MED24: variants seen among roughly 807,000 people sequenced by gnomAD.
MED24 encodes mediator complex subunit 24.
A neutral mutation model predicts 118.8 loss-of-function variants in MED24; 74 were observed. The ratio of observed to expected loss-of-function variants is 0.62; its 90% CI spans 0.52 to 0.76. The LOEUF (loss-of-function observed/expected upper bound fraction) is 0.76. Ranked by LOEUF, MED24 falls within the 30% of genes least tolerant of loss-of-function variation. The pLI is 0.00. For missense variants in MED24, 1,041 were observed against 1,278.9 expected (o/e 0.81, Z 2.84); for synonymous variants, 521 against 523.9 (o/e 0.99, Z 0.08).
At chr17:40,050,682 C>A (rs939550034) in intron 3 of MED24, among the ~76,000 whole-genome samples, 4 of 152,052 alleles carry the variant, frequency 2.6e-5, no homozygotes, top group African/African-American at 9.7e-5. Context: ...AACGTGTGCA[C>A]ATATAGAGTG....
Position 40,035,110 on chromosome 17 carries a change from G to C in MED24, c.559+7C>G. The C allele has an allele frequency of 6.2e-7, 1 of 1,613,922 alleles. No homozygotes were observed. The highest frequency in any genetic ancestry group is 8.5e-7 in the Non-Finnish European group (1 of 1,179,820). On this transcript the variant is annotated splice_region_variant and intron_variant, in intron 6 of 25. Transcript: ENST00000394128. ...CAGGTGGGGCTCAGGGGAATCAAGG[G>C]ACATACAGGCCTCCTCTAGTTTGGC...
At chr17:40,034,071 C>T (rs1983679977) in intron 6 of MED24, among the ~76,000 whole-genome samples, 1 of 152,140 alleles carries the variant, frequency 6.6e-6, no homozygotes, top group Non-Finnish European at 1.5e-5. Flanking sequence ...ATGGTCTAAG[C>T]CATATTGGTT....
At chr17:40,022,308 G>A in intron 22 of MED24, 86 bp downstream of exon 22, 1 of 1,388,092 alleles carries the variant, frequency 7.2e-7, no homozygotes. Context: ...GGCCACAACT[G>A]CTTCCCTTTG....
At position 40,027,815 on chromosome 17, in the gene MED24, C is replaced by G. The variant is rs565619588; in HGVS notation, c.1447+94G>C. 7.4e-6 allele frequency: 10 copies of G among 1,353,990 alleles called. No individual in the cohort carries two copies. In the East Asian group the frequency reaches 2.1e-4, roughly 28 times the overall value. The allele number at this position is 1,353,990 out of a possible 1,614,324, so 83.9% of individuals were successfully genotyped here. On this transcript the variant is annotated intron_variant, in intron 15 of 25. Transcript: ENST00000394128. ...TCTGAGGAGGGAGCACAGCCTCCCC[C>G]TGTTGAGCTGGGGAGCCCTCCTCCC...
At chr17:40,047,203 T>C (rs1159786193) in intron 3 of MED24, among the ~76,000 whole-genome samples, 3 of 152,174 alleles carry the variant, frequency 2.0e-5, no homozygotes, top group African/African-American at 4.8e-5. Context: ...AAAGACAGTA[T>C]ACGAACTATA....
In MED24 at chr17:40,028,816, C is replaced by T; in HGVS notation, c.1409+10G>A. The stretch of plus-strand genomic sequence containing the variant: ...GCACGCCCTGGGGTCAGGGGCTTGG[C>T]CTTCCTCACTTGATGAATTTCCGGG... On this transcript the variant is annotated intron_variant, in intron 14 of 25. Coordinates refer to ENST00000394128, the MANE Select transcript of MED24 (RefSeq NM_014815.4). 1 of 1,613,282 alleles carries T rather than the reference C, an allele frequency of 6.2e-7. No homozygotes were observed. The highest frequency in any genetic ancestry group is 1.3e-5 in the African/African-American group (1 of 75,044).
At chr17:40,022,930 G>T in intron 20 of MED24, 104 bp from the exon 21 acceptor site, 1 of 1,418,026 alleles carries the variant, frequency 7.1e-7, no homozygotes, top group Non-Finnish European at 9.5e-7. Flanking sequence ...CCGCAGAGGG[G>T]GCCCCAGATG....
intron 3 of MED24, among the ~76,000 whole-genome samples, chr17:40,046,907 T>G (rs913129955): frequency 1.4e-4 from 22 of 151,844 alleles, no homozygotes; most frequent in Non-Finnish European, 2.8e-4. Flanking sequence ...ATGTAAAAAT[T>G]ATCAGCCTGG....
Position 40,022,634 on chromosome 17 carries a change from G to C in MED24, c.2432+11C>G, listed in dbSNP as rs1253157736. 18 of 1,612,904 alleles carry C rather than the reference G, an allele frequency of 1.1e-5. No homozygotes were observed. Among genetic ancestry groups the C allele is most frequent in the Non-Finnish European group, 1.5e-5 (18 of 1,179,936 alleles). ...TGGCCGGAGCAGGGCAAGCTCTGAA[G>C]AGAATCTTACTTGGCAAGAGCAGTG... On this transcript the variant is annotated intron_variant, in intron 21 of 25. Transcript: ENST00000394128.
chr17:40,053,028 G>A (rs945387221), intron 3 of MED24, among the ~76,000 whole-genome samples: 1 of 152,242 alleles, frequency 6.6e-6, no homozygotes, highest in South Asian at 2.1e-4. Flanking sequence ...CGACCTCCCA[G>A]GGCTCAGGTG....
At position 40,035,205 on chromosome 17, in the gene MED24, C is replaced by G. The variant is rs1463655011; in HGVS notation, c.471G>C (p.Gln157His). The G allele has an allele frequency of 6.2e-7, 1 of 1,614,048 alleles. No individual in the cohort carries two copies. Among genetic ancestry groups the G allele is most frequent in the East Asian group, 2.2e-5 (1 of 44,882 alleles). ...EAGTPAAGEKQLAMCLQRLEK... is the reference protein window; with the variant it reads ...EAGTPAAGEKHLAMCLQRLEK... ...CCAGGCGCTGAAGGCACATGGCAAG[C>G]TGCTTCTCCCCAGCGGCTGGAGTGC... The change falls in exon 6 of 26, where the codon CAG (glutamine) becomes CAC (histidine). Residue 157 changes from glutamine to histidine, a missense_variant. Physicochemically the swap from Gln to His is conservative, Grantham distance 24 (BLOSUM62 0). This residue lies in a region of MED24 where 434 missense variants were observed against 514.9 expected (regional missense o/e 0.84). Coordinates refer to ENST00000394128, the MANE Select transcript of MED24 (RefSeq NM_014815.4).
chr17:40,036,000 G>A, intron 4 of MED24, 116 bp downstream of exon 4: 2 of 1,273,616 alleles, frequency 1.6e-6, no homozygotes, highest in South Asian at 2.5e-5. Context: ...AGCAATGCCA[G>A]CCAGAGGCAT....
Position 40,022,410 on chromosome 17 carries a change from T to C in MED24, c.2507A>G (p.His836Arg). The change falls in exon 22 of 26, where the codon CAC becomes CGC. Residue 836 changes from histidine to arginine, a missense_variant. By Grantham distance (29) the His-to-Arg change is conservative (BLOSUM62 0). Around this residue, in one of 3 missense-constraint regions of MED24, gnomAD observed 587 missense variants for 694.4 expected, o/e 0.85. Transcript: ENST00000394128. ...GGGGCCTACCTCAATGTCTTCGCGG[T>C]GTCTCTTCTTCTGGCGGGTGGACGC... The part of the protein sequence containing the change: ...GQASTRQKKR[H>R]REDIEDYISL... The C allele has an allele frequency of 6.2e-7, 1 of 1,609,964 alleles. No individual in the cohort carries two copies.
rs1489349692 is a variant in MED24, at chr17:40,027,940, A to G, written c.1416T>C (p.Asn472=). The G allele has an allele frequency of 6.2e-7, 1 of 1,613,750 alleles. No individual in the cohort carries two copies. The highest frequency in any genetic ancestry group is 8.5e-7 in the Non-Finnish European group (1 of 1,179,994). The change falls in exon 15 of 26, where the codon AAT becomes AAC. Residue 472 remains asparagine, a synonymous_variant. Coordinates refer to ENST00000394128, the MANE Select transcript of MED24 (RefSeq NM_014815.4). ...KSFARKFINL[N]EFTTYGSEES... ...CTTCGCTGCCATAGGTTGTGAATTCATTCAAACTGAAAGGAATGGAGACAG... is the reference window on the plus strand; with the variant it reads ...CTTCGCTGCCATAGGTTGTGAATTCGTTCAAACTGAAAGGAATGGAGACAG...
At chr17:40,049,750 C>T (rs901299072) in intron 3 of MED24, among the ~76,000 whole-genome samples, 7 of 151,260 alleles carry the variant, frequency 4.6e-5, no homozygotes, top group East Asian at 2.0e-4. Flanking sequence ...GGGTCTCGAT[C>T]GCCTGACCTC....
At chr17:40,027,173 G>T in intron 16 of MED24, 139 bp from the exon 17 acceptor site, 2 of 1,201,258 alleles carry the variant, frequency 1.7e-6, no homozygotes, top group Non-Finnish European at 1.2e-6. Flanking sequence ...GTCTAAGGGA[G>T]CCAGACGGGG....
At chr17:40,046,724 C>T (rs559118421) in intron 3 of MED24, among the ~76,000 whole-genome samples, 1 of 149,038 alleles carries the variant, frequency 6.7e-6, no homozygotes, top group African/African-American at 2.5e-5. Context: ...CCAGCCTGGG[C>T]GACAGAGCGA....
In MED24 at chr17:40,035,338, T is replaced by C; in HGVS notation, c.338A>G (p.Lys113Arg). 1.3e-6 allele frequency: 2 copies of C among 1,587,720 alleles called. No homozygotes were observed. The highest frequency in any genetic ancestry group is 8.6e-7 in the Non-Finnish European group (1 of 1,162,444). ...GCACAGTCCGATGCATTCCTCTGCT[T>C]TGCCGTGACAGCTACAGGGAAGGAT... ...MFCDRLSCHG[K>R]AEECIGLCRA... Residue 113 changes from lysine to arginine, a missense_variant, in exon 6 of 26, where the codon AAA becomes AGA. Around this residue, in one of 3 missense-constraint regions of MED24, gnomAD observed 434 missense variants for 514.9 expected, o/e 0.84. Transcript: ENST00000394128.
chr17:40,041,121 T>C (rs1488859052), intron 3 of MED24, among the ~76,000 whole-genome samples: 1 of 152,160 alleles, frequency 6.6e-6, no homozygotes, highest in East Asian at 1.9e-4. Context: ...CTCCAATCAC[T>C]TCTGTCCTGA....
Sources: allele counts gnomAD v4.1 joint callset (sites outside exome capture counted in the v4.1 genomes callset), GRCh38; gene constraint gnomAD v4.1.1; regional missense constraint gnomAD v4.1.1; transcripts MANE v1.5; gene names NCBI Gene and HGNC (gene_info 2026-07-23, HGNC 2026-07-21).